The following ZNF454 variants were observed in gnomAD, a reference collection of about 807,000 sequenced individuals.
ZNF454 encodes the protein zinc finger protein 454.
A neutral mutation model predicts 48.2 loss-of-function variants in ZNF454; 30 were observed. That is an observed-to-expected ratio of 0.62 (90% confidence interval 0.47 to 0.84). The LOEUF (loss-of-function observed/expected upper bound fraction) is 0.84, where lower values mean the gene tolerates loss of function less well. ZNF454 is among the 40% of genes least tolerant of loss of function. ZNF454 has a pLI of 0.00. For synonymous variants in ZNF454, 204 were observed against 211.4 expected, an observed-to-expected ratio of 0.97 and a Z score of 0.30; for missense variants, 510 against 623.1, an observed-to-expected ratio of 0.82 and a Z score of 1.93.
At chr5:178,973,859 A>AAG in the ZNF454 span, among the ~76,000 whole-genome samples, 15,077 of 147,642 alleles carry the variant, frequency 0.1, 1,249 homozygotes, top group African/African-American at 0.21. Flanking sequence ...AAAAAAAAAA[A>AAG]AGGTCGACTG....
At chr5:178,952,586 A>G (rs1016753525) in intron 4 of ZNF454, among the ~76,000 whole-genome samples, 1 of 152,080 alleles carries the variant, frequency 6.6e-6, no homozygotes, top group Non-Finnish European at 1.5e-5. Flanking sequence ...CTTTGTCTTT[A>G]TGATCTTTAT....
chr5:178,956,674 A>ATTTTATTT (rs1561702161), intron 4 of ZNF454, among the ~76,000 whole-genome samples: 68 of 33,880 alleles, frequency 2.0e-3, no homozygotes, highest in Middle Eastern at 0.022. Context: ...TATTTTATTT[A>ATTTTATTT]ATTTATTTAT....
the ZNF454 span, among the ~76,000 whole-genome samples, chr5:178,977,581 T>A: frequency 1.3e-5 from 2 of 152,102 alleles, no homozygotes; most frequent in Non-Finnish European, 2.9e-5. Flanking sequence ...TCTTTTTTTT[T>A]TTTTTGGAGA....
At chr5:178,962,957 G>C (rs1760045160) in intron 4 of ZNF454, among the ~76,000 whole-genome samples, 1 of 151,776 alleles carries the variant, frequency 6.6e-6, no homozygotes, top group Non-Finnish European at 1.5e-5. Context: ...AGCCCTGCAG[G>C]AGTCCCGGCT....
downstream of ZNF454, among the ~76,000 whole-genome samples, chr5:178,970,714 C>T (rs1157213380): frequency 6.6e-6 from 1 of 152,176 alleles, no homozygotes; most frequent in Non-Finnish European, 1.5e-5. Context: ...CTTGCCTCAG[C>T]CGCGTCACTA....
At chr5:178,986,047 C>T in the ZNF454 span, 5 of 1,296,090 alleles carry the variant, frequency 3.9e-6, no homozygotes, top group Non-Finnish European at 5.4e-6. Flanking sequence ...CAGGCGTGTG[C>T]CACTGTGCCT....
chr5:178,951,334 T>C (rs945319268), intron 4 of ZNF454, among the ~76,000 whole-genome samples: 1 of 152,202 alleles, frequency 6.6e-6, no homozygotes, highest in Non-Finnish European at 1.5e-5. Flanking sequence ...GGCCCGTGCC[T>C]CACCATCCAG....
the ZNF454 span, chr5:178,986,263 C>T: frequency 1.2e-6 from 2 of 1,614,154 alleles, no homozygotes; most frequent in Non-Finnish European, 1.7e-6. Flanking sequence ...GGCAGAGTAG[C>T]TGAGGGTCGT....
rs1359460745 is a variant in ZNF454, at chr5:178,946,053, G to GCTAGGCGGT, written c.34-305_34-297dup. On this transcript the variant is annotated intron_variant, in intron 2 of 4. Coordinates refer to ENST00000519564, the MANE Select transcript of ZNF454 (RefSeq NM_001178089.3). This position sits in a 1 kb window ranked among gnomAD's most constrained non-coding sequence, Gnocchi z 4.5. ...CCCCTGGGGTGAGCGGAGAGGCAGG[G>GCTAGGCGGT]CTAGGCGGTTTGAGGGAGATGGAGA... Among the ~76,000 whole-genome samples the GCTAGGCGGT allele has an allele frequency of 1.3e-5, 2 of 152,102 alleles. No homozygotes were observed. Among genetic ancestry groups the GCTAGGCGGT allele is most frequent in the Non-Finnish European group, 2.9e-5 (2 of 68,002 alleles).
chr5:178,949,119 G>A (rs1037960247), intron 4 of ZNF454, among the ~76,000 whole-genome samples: 1 of 151,776 alleles, frequency 6.6e-6, no homozygotes, highest in African/African-American at 2.4e-5. Flanking sequence ...GTGCAGTCTC[G>A]GCTAACTGCA....
chr5:178,969,482 C>T (rs1157736022), downstream of ZNF454: 4 of 456,820 alleles, frequency 8.8e-6, no homozygotes, highest in Non-Finnish European at 1.8e-5. Flanking sequence ...GCCATGTCGA[C>T]ATACCCAGCT....
the ZNF454 span, chr5:178,989,620 G>C: frequency 1.6e-6 from 1 of 628,186 alleles, no homozygotes; most frequent in South Asian, 1.8e-5. Context: ...GGCGTGGCCA[G>C]GTGACCAAGT....
At chr5:178,982,985 G>A in the ZNF454 span, 1 of 1,614,158 alleles carries the variant, frequency 6.2e-7, no homozygotes, top group Non-Finnish European at 8.5e-7. Flanking sequence ...TGTACATGGT[G>A]AAGCCGATGG....
chr5:178,986,101 C>A, the ZNF454 span: 1 of 1,603,798 alleles, frequency 6.2e-7, no homozygotes, highest in Non-Finnish European at 8.5e-7. Context: ...CCCCTCCCTG[C>A]CCTGGCCCTT....
At chr5:178,987,506 T>C in the ZNF454 span, 36 of 453,584 alleles carry the variant, frequency 7.9e-5, 2 homozygotes, top group South Asian at 5.4e-4. Flanking sequence ...TGACCCATGC[T>C]ATAAAATGGA....
intron 4 of ZNF454, among the ~76,000 whole-genome samples, chr5:178,955,595 G>A (rs1321465925): frequency 6.6e-6 from 1 of 152,152 alleles, no homozygotes; most frequent in Non-Finnish European, 1.5e-5. Context: ...TTTTGTTAAA[G>A]AGTTTGCATT....
chr5:178,971,985 G>A, the ZNF454 span, among the ~76,000 whole-genome samples: 1 of 152,216 alleles, frequency 6.6e-6, no homozygotes, highest in Non-Finnish European at 1.5e-5. Context: ...CCAGTCTGGA[G>A]CACAATGGTG....
the ZNF454 span, chr5:178,985,575 C>T: frequency 1.5e-3 from 494 of 339,040 alleles, no homozygotes; most frequent in Middle Eastern, 5.0e-3. Flanking sequence ...TGGTGGCGGG[C>T]GCCTGTAGTC....
the ZNF454 span, chr5:178,986,057 T>C: frequency 7.1e-7 from 1 of 1,401,060 alleles, no homozygotes; most frequent in Non-Finnish European, 9.8e-7. Flanking sequence ...CCACTGTGCC[T>C]GGCCCTTTTG....
Sources: gnomAD v4.1 joint callset for allele counts (sites outside exome capture counted in the v4.1 genomes callset) on GRCh38, gnomAD v4.1.1 for gene constraint, Gnocchi (gnomAD v3.1) non-coding constraint, MANE v1.5 for transcripts, NCBI Gene and HGNC (gene_info 2026-07-23, HGNC 2026-07-21) for gene names.